Variants in GNG12 observed in about 807,000 individuals in gnomAD.
GNG12 encodes guanine nucleotide-binding protein G(I)/G(S)/G(O) subunit gamma-12.
For synonymous variants in GNG12, 28 were observed against 29.7 expected, an observed-to-expected ratio of 0.94 and a Z score of 0.19; for missense variants, 69 against 83.8, an observed-to-expected ratio of 0.82 and a Z score of 0.69.
At chr1:67,760,363 G>C (rs1348951431) in intron 2 of GNG12, among the ~76,000 whole-genome samples, 1 of 152,200 alleles carries the variant, frequency 6.6e-6, no homozygotes, top group East Asian at 1.9e-4. Context: ...CATTTGGTAG[G>C]TTGGTAGGTC....
At chr1:67,764,082 G>A (rs947829658) in intron 2 of GNG12, among the ~76,000 whole-genome samples, 1 of 152,128 alleles carries the variant, frequency 6.6e-6, no homozygotes, top group African/African-American at 2.4e-5. Context: ...CATTCACTCA[G>A]TAAATACTGA....
rs534106993 is a variant in GNG12 at position 67,789,702 on chromosome 1, G to A, written c.-76-12195C>T. Among the ~76,000 whole-genome samples, 191 of 152,320 alleles carry A rather than the reference G, an allele frequency of 1.3e-3. 3 individuals carry two copies. The highest frequency in any genetic ancestry group is 6.9e-4 in the Non-Finnish European group (47 of 68,016). On this transcript the variant is annotated intron_variant, in intron 1 of 3. Coordinates refer to ENST00000370982, the MANE Select transcript of GNG12 (RefSeq NM_018841.6). ...GCACAATCGGGCAGGATGCAGCCAAGGGCACTGCCCTGAGCCTGGATCAGA... is the reference window on the plus strand; with the variant it reads ...GCACAATCGGGCAGGATGCAGCCAAAGGCACTGCCCTGAGCCTGGATCAGA...
chr1:67,817,414 G>C (rs1646958954), intron 1 of GNG12, among the ~76,000 whole-genome samples: 1 of 152,210 alleles, frequency 6.6e-6, no homozygotes, highest in African/African-American at 2.4e-5. Context: ...AGTTCAGAGA[G>C]GCAGTCTCTC....
intron 2 of GNG12, among the ~76,000 whole-genome samples, chr1:67,724,846 T>G (rs1646377230): frequency 6.6e-6 from 1 of 152,202 alleles, no homozygotes; most frequent in Non-Finnish European, 1.5e-5. Flanking sequence ...TTAAACTGCA[T>G]GAGGTTCATT....
chr1:67,827,164 A>G (rs1647015710), intron 1 of GNG12, among the ~76,000 whole-genome samples: 1 of 152,234 alleles, frequency 6.6e-6, no homozygotes, highest in Admixed American at 6.5e-5. Flanking sequence ...CAGAGCTTAT[A>G]CTTCTCTCTT....
At chr1:67,772,449 C>G (rs1292216795) in intron 2 of GNG12, 1 of 152,174 alleles carries the variant, frequency 6.6e-6, no homozygotes, top group Non-Finnish European at 1.5e-5. Flanking sequence ...TAATAGACTC[C>G]AAATGAAGAA....
At chr1:67,719,281 C>T (rs182116145) in intron 2 of GNG12, among the ~76,000 whole-genome samples, 8 of 152,120 alleles carry the variant, frequency 5.3e-5, no homozygotes, top group East Asian at 1.9e-4. Context: ...CTTCCAAGGA[C>T]GGTCTGTCTC....
intron 1 of GNG12, among the ~76,000 whole-genome samples, chr1:67,811,092 C>T (rs79974887): frequency 0.011 from 1,640 of 152,296 alleles, 31 homozygotes; most frequent in African/African-American, 0.038. Flanking sequence ...TGTGTTTTAA[C>T]AGCCCTCCAA....
chr1:67,777,567 C>T (rs1365837023), intron 1 of GNG12, 60 bp from the exon 2 acceptor site: 12 of 279,910 alleles, frequency 4.3e-5, no homozygotes, highest in Non-Finnish European at 5.9e-5. Flanking sequence ...GGTGTGCTTT[C>T]GATCCCAAGT....
chr1:67,740,120 G>C (rs879436536), intron 2 of GNG12, among the ~76,000 whole-genome samples: 4 of 152,108 alleles, frequency 2.6e-5, no homozygotes, highest in Non-Finnish European at 4.4e-5. Flanking sequence ...ATATGTTTAG[G>C]ATATTACATT....
At chr1:67,828,338 A>G (rs1458126765) in intron 1 of GNG12, among the ~76,000 whole-genome samples, 1 of 152,138 alleles carries the variant, frequency 6.6e-6, no homozygotes, top group Non-Finnish European at 1.5e-5. Flanking sequence ...ATAGTTTTTA[A>G]GCAAAACTGA....
intron 1 of GNG12, among the ~76,000 whole-genome samples, chr1:67,779,895 C>A (rs1304979316): frequency 6.6e-6 from 1 of 152,126 alleles, no homozygotes; most frequent in Non-Finnish European, 1.5e-5. Context: ...ACCTGGACAG[C>A]ATGTTACTGT....
intron 1 of GNG12, among the ~76,000 whole-genome samples, chr1:67,793,544 T>C (rs1317371453): frequency 6.6e-6 from 1 of 152,186 alleles, no homozygotes; most frequent in Non-Finnish European, 1.5e-5. Context: ...TTTTTTTTTT[T>C]TTTAAACTAC....
chr1:67,776,123 T>C (rs573890094), intron 2 of GNG12, among the ~76,000 whole-genome samples: 4 of 151,828 alleles, frequency 2.6e-5, no homozygotes, highest in Admixed American at 2.6e-4. Flanking sequence ...GAGGGAGGGC[T>C]GGAGGGTAGA....
chr1:67,798,699 T>A (rs1646846396), intron 1 of GNG12, among the ~76,000 whole-genome samples: 2 of 152,088 alleles, frequency 1.3e-5, no homozygotes, highest in Admixed American at 6.6e-5. Context: ...CCCACGCCTG[T>A]AATCCCAGCA....
intron 1 of GNG12, among the ~76,000 whole-genome samples, chr1:67,785,493 C>T (rs1646762619): frequency 6.6e-6 from 1 of 152,080 alleles, no homozygotes; most frequent in African/African-American, 2.4e-5. Flanking sequence ...GAATGTGTTG[C>T]ACTTCTCTGA....
intron 2 of GNG12, among the ~76,000 whole-genome samples, chr1:67,746,191 T>C (rs1646506424): frequency 6.6e-6 from 1 of 152,154 alleles, no homozygotes; most frequent in African/African-American, 2.4e-5. Flanking sequence ...ACTCAGCAGG[T>C]CCACAGACTT....
At chr1:67,726,705 G>A (rs1646388432) in intron 2 of GNG12, among the ~76,000 whole-genome samples, 1 of 152,182 alleles carries the variant, frequency 6.6e-6, no homozygotes, top group African/African-American at 2.4e-5. Context: ...ATATCAATTA[G>A]GAACTGTAAT....
chr1:67,831,487 C>T (rs967792899), intron 1 of GNG12, among the ~76,000 whole-genome samples: 1 of 152,108 alleles, frequency 6.6e-6, no homozygotes, highest in South Asian at 2.1e-4. Context: ...AATCTAAGTG[C>T]TGTGTGCCCT....
Sources: gnomAD v4.1 joint callset for allele counts (sites outside exome capture counted in the v4.1 genomes callset) on GRCh38, gnomAD v4.1.1 for gene constraint, MANE v1.5 for transcripts, NCBI Gene and HGNC (gene_info 2026-07-23, HGNC 2026-07-21) for gene names.